The following AVL9 variants were observed in gnomAD, a reference collection of about 807,000 sequenced individuals.
The protein encoded by AVL9 is late secretory pathway protein AVL9 homolog.
In AVL9, 49 loss-of-function variants were observed where a neutral mutation model predicts 79.2. That is an observed-to-expected ratio of 0.62 (90% CI 0.49 to 0.79). The LOEUF (loss-of-function observed/expected upper bound fraction) is 0.79, where lower values mean the gene tolerates loss of function less well. Among genes scored for constraint, AVL9 ranks in the 30% least tolerant of loss-of-function variants. The probability of loss-of-function intolerance (pLI) is 0.00; values close to 1 mark genes in which losing one functional copy is unlikely to be tolerated. For synonymous variants in AVL9, 299 were observed against 280.6 expected (o/e 1.07, Z -0.65); for missense variants, 682 against 776.8 (o/e 0.88, Z 1.45).
chr7:32,559,119 C>T lies in AVL9; in HGVS notation c.870C>T (p.Ala290=). Residue 290 remains alanine (A), a synonymous_variant, in exon 10 of 16, where the codon GCC becomes GCT. Transcript: ENST00000318709. ...CAGGAAACCATGGAGAAGATGCTGC[C>T]ATGAAGACTGAGGAGCCTTTGTTCC... ...VMAGNHGEDA[A]MKTEEPLFQV... 1 of 1,613,988 alleles carries T rather than the reference C, an allele frequency of 6.2e-7. No individual in the cohort carries two copies. The highest frequency in any genetic ancestry group is 1.1e-5 in the South Asian group (1 of 91,058).
chr7:32,531,024 C>T (rs1788622943), intron 1 of AVL9, among the ~76,000 whole-genome samples: 2 of 151,994 alleles, frequency 1.3e-5, no homozygotes, highest in Non-Finnish European at 2.9e-5. Flanking sequence ...TTCCAGTTTG[C>T]CTTGGGGAGT....
intron 13 of AVL9, among the ~76,000 whole-genome samples, chr7:32,576,410 A>G (rs757935623): frequency 1.3e-5 from 2 of 152,246 alleles, no homozygotes; most frequent in Non-Finnish European, 2.9e-5. Context: ...TCAACAAGAT[A>G]GAATCCTAGA....
At chr7:32,527,965 G>A (rs4723169) in intron 1 of AVL9, among the ~76,000 whole-genome samples, 53,443 of 151,872 alleles carry the variant, frequency 0.35, 9,753 homozygotes, top group Middle Eastern at 0.49. Flanking sequence ...TACCCCTCCA[G>A]CATTAACATC....
chr7:32,573,079 G>C, intron 11 of AVL9, 120 bp from the exon 12 acceptor site: 1 of 711,988 alleles, frequency 1.4e-6, no homozygotes, highest in Non-Finnish European at 2.4e-6. Context: ...CACCTTTTGA[G>C]AATGCCATTA....
intron 4 of AVL9, among the ~76,000 whole-genome samples, chr7:32,550,092 A>T (rs888073186): frequency 2.6e-5 from 4 of 152,178 alleles, no homozygotes; most frequent in Admixed American, 2.6e-4. Flanking sequence ...ATGACAGAAG[A>T]GTAAGAGTAC....
intron 1 of AVL9, among the ~76,000 whole-genome samples, chr7:32,526,741 C>T (rs1470534015): frequency 2.0e-5 from 3 of 151,862 alleles, no homozygotes; most frequent in Non-Finnish European, 4.4e-5. Flanking sequence ...AGAGTCCCAG[C>T]GGTTTCATAC....
chr7:32,524,543 CACACACACACACACAG>C (rs947152095), intron 1 of AVL9, among the ~76,000 whole-genome samples: 2 of 120,810 alleles, frequency 1.7e-5, no homozygotes, highest in African/African-American at 6.0e-5. Context: ...CACACACACA[CACACACACACACACAG>C]AGAGAAAAGA....
Sources: allele counts gnomAD v4.1 joint callset (sites outside exome capture counted in the v4.1 genomes callset), GRCh38; gene constraint gnomAD v4.1.1; transcripts MANE v1.5; gene names NCBI Gene and HGNC (gene_info 2026-07-23, HGNC 2026-07-21).